Variants in FYB1 observed in about 807,000 individuals in gnomAD.
FYB1 encodes the protein FYN-binding protein 1.
FYB1 carries 41 observed loss-of-function variants against 94.1 expected under a neutral mutation model. The observed-to-expected ratio is 0.44, with a 90% CI of 0.34 to 0.57. FYB1 has a LOEUF of 0.57. Among genes scored for constraint, FYB1 ranks in the 20% least tolerant of loss-of-function variants. The probability of loss-of-function intolerance (pLI) is 0.02; values close to 1 mark genes in which losing one functional copy is unlikely to be tolerated. For missense variants in FYB1, 1,050 were observed against 976.8 expected, an observed-to-expected ratio of 1.07 and a Z score of -1.00; for synonymous variants, 367 against 353.2, an observed-to-expected ratio of 1.04 and a Z score of -0.44.
At chr5:39,191,735 AAAT>A in intron 2 of FYB1, among the ~76,000 whole-genome samples, 1 of 152,326 alleles carries the variant, frequency 6.6e-6, no homozygotes, top group African/African-American at 2.4e-5. Context: ...CTGGAAAAAC[AAAT>A]AATCTATTGT....
intron 1 of FYB1, among the ~76,000 whole-genome samples, chr5:39,255,295 T>A (rs1011273661): frequency 2.0e-5 from 3 of 152,132 alleles, no homozygotes; most frequent in Admixed American, 6.5e-5. Flanking sequence ...CCACGCTTTT[T>A]AAAAAAATTT....
intron 1 of FYB1, among the ~76,000 whole-genome samples, chr5:39,211,324 T>TTTC (rs1491060367): frequency 0.045 from 2 of 44 alleles, no homozygotes; most frequent in Non-Finnish European, 0.2. Flanking sequence ...TTTCTTTTCT[T>TTTC]TTTTTTTTTT....
At chr5:39,130,972 A>G (rs890515969) in intron 9 of FYB1, among the ~76,000 whole-genome samples, 1 of 152,312 alleles carries the variant, frequency 6.6e-6, no homozygotes, top group African/African-American at 2.4e-5. Context: ...TTATTATTCC[A>G]TAAGTCACAT....
intron 4 of FYB1, 27 bp downstream of exon 4, chr5:39,141,068 T>A: frequency 6.7e-7 from 1 of 1,501,112 alleles, no homozygotes; most frequent in Non-Finnish European, 9.1e-7. Context: ...TACAAATAAA[T>A]AAATAAAATA....
At chr5:39,195,561 C>CA (rs1747756957) in intron 2 of FYB1, among the ~76,000 whole-genome samples, 1 of 152,196 alleles carries the variant, frequency 6.6e-6, no homozygotes, top group South Asian at 2.1e-4. Context: ...AGGGGGCCAT[C>CA]AGTCTTTTGT....
chr5:39,251,269 A>G (rs1014227425), intron 1 of FYB1, among the ~76,000 whole-genome samples: 7 of 152,364 alleles, frequency 4.6e-5, no homozygotes, highest in Middle Eastern at 3.4e-3. Context: ...AGAATGATAC[A>G]TAGCCCAACA....
rs1250245594 is a variant in FYB1 at position 39,231,160 on chromosome 5, AAC to A, written c.-27-28175_-27-28174del. Among the ~76,000 whole-genome samples the A allele has an allele frequency of 9.4e-5, 11 of 116,556 alleles. 1 individual carries two copies. The highest frequency in any genetic ancestry group is 3.7e-4 in the African/African-American group (8 of 21,472). The allele number at this position is 116,556 out of a possible 152,430, so 76.5% of individuals were successfully genotyped here. On this transcript the variant is annotated intron_variant, in intron 1 of 1. Coordinates refer to the FYB1 transcript ENST00000510188. ...CTCAGCTCAGAGCAAAAAAAAAAAAAACAAAAAAAAACAAAAAAAACAAAACA... is the reference window on the plus strand; with the variant it reads ...CTCAGCTCAGAGCAAAAAAAAAAAAAAAAAAAAAACAAAAAAAACAAAACA...
At chr5:39,126,160 A>G in intron 11 of FYB1, 25 bp from the exon 12 acceptor site, 1 of 1,608,894 alleles carries the variant, frequency 6.2e-7, no homozygotes, top group South Asian at 1.1e-5. Context: ...GGCATTGATC[A>G]GAATGTAATA....
chr5:39,270,863 T>C (rs1752644591), intron 1 of FYB1: 1 of 380,462 alleles, frequency 2.6e-6, no homozygotes. Context: ...TAGAAGTACC[T>C]AGATATTAAA....
intron 1 of FYB1, among the ~76,000 whole-genome samples, chr5:39,256,251 C>T (rs182238469): frequency 3.3e-5 from 5 of 152,274 alleles, no homozygotes; most frequent in Admixed American, 1.3e-4. Context: ...AAAGGAGAAA[C>T]CAGTATTCAC....
chr5:39,225,866 T>C (rs1750449834), intron 1 of FYB1, among the ~76,000 whole-genome samples: 1 of 152,156 alleles, frequency 6.6e-6, no homozygotes, highest in Non-Finnish European at 1.5e-5. Context: ...AACAAAACCA[T>C]AATGTTCACC....
chr5:39,208,821 A>G (rs546156166), intron 1 of FYB1: 1 of 152,222 alleles, frequency 6.6e-6, no homozygotes, highest in Admixed American at 6.5e-5. Context: ...TAACAAAAAG[A>G]CTGAGGAGAC....
chr5:39,164,550 G>T (rs1024638642), intron 2 of FYB1, among the ~76,000 whole-genome samples: 2 of 152,022 alleles, frequency 1.3e-5, no homozygotes, highest in African/African-American at 4.8e-5. Flanking sequence ...TCAGCCTCCT[G>T]AGTAGCTGGG....
intron 11 of FYB1, among the ~76,000 whole-genome samples, chr5:39,127,318 C>T (rs111448137): frequency 6.6e-5 from 10 of 151,432 alleles, no homozygotes; most frequent in Non-Finnish European, 1.0e-4. Flanking sequence ...GATAGCCATG[C>T]AACTGATAAA....
At chr5:39,179,169 G>A (rs546852531) in intron 2 of FYB1, among the ~76,000 whole-genome samples, 1 of 152,168 alleles carries the variant, frequency 6.6e-6, no homozygotes, top group Non-Finnish European at 1.5e-5. Flanking sequence ...GGTAGGCAGC[G>A]CTATTGTTCT....
intron 1 of FYB1, among the ~76,000 whole-genome samples, chr5:39,210,703 G>C (rs1045671999): frequency 1.3e-5 from 2 of 152,166 alleles, no homozygotes; most frequent in Admixed American, 1.3e-4. Flanking sequence ...AGCATAAATG[G>C]ATAAGGAAGT....
chr5:39,181,740 C>T (rs1746256569), intron 2 of FYB1, among the ~76,000 whole-genome samples: 1 of 152,202 alleles, frequency 6.6e-6, no homozygotes, highest in African/African-American at 2.4e-5. Flanking sequence ...CCTACTCATT[C>T]TCATCCACAC....
Position 39,147,079 on chromosome 5 carries a change from A to G in FYB1, c.1293-5938T>C, listed in dbSNP as rs181825160. 2.1e-3 allele frequency among the ~76,000 whole-genome samples: 321 copies of G among 152,312 alleles called. 1 individual carries two copies. The highest frequency in any genetic ancestry group is 7.3e-3 in the African/African-American group (303 of 41,574). On this transcript the variant is annotated intron_variant, in intron 3 of 18. Transcript: ENST00000512982. ...GAGCAGAAGGAGGGGGTGAATGAGA[A>G]GAAAAAGAAGCTTATCAGTTATGAT...
At chr5:39,223,055 G>A (rs1054247361), upstream of FYB1, among the ~76,000 whole-genome samples, 2 of 151,858 alleles carry the variant, frequency 1.3e-5, no homozygotes, top group East Asian at 1.9e-4. Context: ...AACCACCATG[G>A]CACACGTTAA....
Sources: gnomAD v4.1 joint callset for allele counts (sites outside exome capture counted in the v4.1 genomes callset) on GRCh38, gnomAD v4.1.1 for gene constraint, MANE v1.5 for transcripts, NCBI Gene and HGNC (gene_info 2026-07-23, HGNC 2026-07-21) for gene names.